Variants in IRAG2 observed in about 807,000 individuals in gnomAD.
IRAG2 encodes lymphoid restricted membrane protein.
In IRAG2, 45 loss-of-function variants were observed where a neutral mutation model predicts 69.9. The observed-to-expected ratio is 0.64, with a 90% confidence interval of 0.51 to 0.83. The LOEUF (loss-of-function observed/expected upper bound fraction) is 0.83, where lower values mean the gene tolerates loss of function less well. IRAG2 is among the 40% of genes least tolerant of loss of function. The pLI is 0.00. For missense variants in IRAG2, 520 were observed against 587.0 expected (o/e 0.89, Z 1.18); for synonymous variants, 193 against 202.4 (o/e 0.95, Z 0.40).
intron 9 of IRAG2, among the ~76,000 whole-genome samples, chr12:25,029,667 GTT>G (rs36093595): frequency 1.3e-3 from 196 of 145,598 alleles, no homozygotes; most frequent in Admixed American, 2.4e-3. Flanking sequence ...GTTACAATAT[GTT>G]TTTTTTTTTT....
intron 15 of IRAG2, chr12:25,100,825 CTT>C (rs5797118): frequency 1.9e-4 from 28 of 146,646 alleles, no homozygotes; most frequent in Non-Finnish European, 3.4e-4. Flanking sequence ...TGGACCTAAT[CTT>C]TTTTTTTTTT....
intron 9 of IRAG2, chr12:25,026,920 A>T (rs1944626488): frequency 1.1e-6 from 1 of 923,656 alleles, no homozygotes; most frequent in African/African-American, 1.7e-5. Context: ...AACCAGTATT[A>T]TTTTATGAAA....
chr12:25,105,116 AC>A (rs1171823085), intron 20 of IRAG2, among the ~76,000 whole-genome samples: 1 of 122,542 alleles, frequency 8.2e-6, no homozygotes, highest in African/African-American at 3.2e-5. Flanking sequence ...TTGCTCTGTC[AC>A]CCAGGCTGGA....
rs116715003 is a variant in IRAG2 at position 25,036,350 on chromosome 12, T to C, written c.1879-235T>C. On this transcript the variant is annotated intron_variant, in intron 14 of 38. Coordinates refer to the IRAG2 transcript ENST00000636465. ...CTTCTATTTAAAAAGATGGGGTTTG[T>C]TCTGGAAAATGATTCTCTCTGTATA... Among the ~76,000 whole-genome samples, 986 of 152,324 alleles carry C rather than the reference T, an allele frequency of 6.5e-3. 9 individuals carry two copies. Among genetic ancestry groups the C allele is most frequent in the African/African-American group, 0.023 (936 of 41,568 alleles).
At chr12:25,090,001 CT>C in intron 13 of IRAG2, 55 bp from the exon 14 acceptor site, 1 of 1,559,686 alleles carries the variant, frequency 6.4e-7, no homozygotes. Context: ...ACTGAAACAT[CT>C]GACCACATCC....
chr12:25,060,835 AT>A (rs5797116), intron 1 of IRAG2, among the ~76,000 whole-genome samples: 28,263 of 144,188 alleles, frequency 0.2, 2,743 homozygotes, highest in African/African-American at 0.22. Context: ...TAATTTTTGT[AT>A]TTTTTTTTTT....
intron 14 of IRAG2, chr12:25,090,777 A>G (rs1295173819): frequency 4.5e-6 from 2 of 447,406 alleles, no homozygotes; most frequent in South Asian, 1.6e-5. Flanking sequence ...AGTAGGTTGC[A>G]TGAGTCATCT....
chr12:25,055,367 A>T (rs1203872052), intron 1 of IRAG2, among the ~76,000 whole-genome samples: 1 of 152,174 alleles, frequency 6.6e-6, no homozygotes, highest in East Asian at 1.9e-4. Flanking sequence ...TTACTTATAT[A>T]TTTTATTTCT....
chr12:25,023,987 T>C (rs1944603449), intron 8 of IRAG2: 2 of 907,350 alleles, frequency 2.2e-6, no homozygotes, highest in Non-Finnish European at 2.9e-6. Context: ...GGTTTATGGC[T>C]GTGGGTTAAA....
chr12:25,088,468 G>A (rs1017191453), intron 11 of IRAG2, among the ~76,000 whole-genome samples: 8 of 152,158 alleles, frequency 5.3e-5, no homozygotes, highest in Non-Finnish European at 1.0e-4. Context: ...TAAAAGTAAA[G>A]CCCCTATTTA....
intron 6 of IRAG2, among the ~76,000 whole-genome samples, chr12:25,020,580 C>T (rs530163642): frequency 2.0e-4 from 30 of 152,180 alleles, no homozygotes; most frequent in South Asian, 1.7e-3. Flanking sequence ...CTGTTTTCCC[C>T]ATAGTCTCCA....
intron 6 of IRAG2, among the ~76,000 whole-genome samples, chr12:25,072,922 T>A (rs1253496748): frequency 6.6e-6 from 1 of 152,268 alleles, no homozygotes; most frequent in Non-Finnish European, 1.5e-5. Context: ...TTATCAAAAT[T>A]CTATTAGACT....
upstream of IRAG2, chr12:25,004,301 A>G (rs756464670): frequency 6.6e-6 from 8 of 1,210,858 alleles, no homozygotes; most frequent in East Asian, 3.2e-5. Context: ...TTTTGCCTAT[A>G]CTTTAGCCAC....
At chr12:25,106,288 C>G (rs1240847375) in intron 20 of IRAG2, among the ~76,000 whole-genome samples, 1 of 149,966 alleles carries the variant, frequency 6.7e-6, no homozygotes, top group Non-Finnish European at 1.5e-5. Flanking sequence ...CACATACACA[C>G]ACGCACACAC....
chr12:24,998,704 G>A, the IRAG2 span, among the ~76,000 whole-genome samples: 10 of 151,254 alleles, frequency 6.6e-5, no homozygotes, highest in African/African-American at 1.5e-4. Flanking sequence ...TTTTTTTTAC[G>A]TATATTAAGG....
chr12:25,060,884 T>C (rs745810076), intron 1 of IRAG2, among the ~76,000 whole-genome samples: 2 of 151,916 alleles, frequency 1.3e-5, no homozygotes, highest in South Asian at 2.1e-4. Context: ...GCCAGGCTAG[T>C]CCCAAAGTAC....
intron 10 of IRAG2, among the ~76,000 whole-genome samples, chr12:25,087,378 G>A (rs1947699127): frequency 2.0e-5 from 3 of 151,920 alleles, no homozygotes; most frequent in Middle Eastern, 3.4e-3. Context: ...ATGTTGGCCA[G>A]GCTGGTCTTG....
chr12:25,035,537 G>C (rs555668579), intron 13 of IRAG2: 7 of 396,664 alleles, frequency 1.8e-5, no homozygotes, highest in Middle Eastern at 6.3e-4. Context: ...CAAGACTATT[G>C]AGAACCAAAT....
chr12:25,065,161 A>G (rs1945896848), intron 4 of IRAG2, among the ~76,000 whole-genome samples: 2 of 152,192 alleles, frequency 1.3e-5, no homozygotes, highest in African/African-American at 4.8e-5. Flanking sequence ...TAACATATCT[A>G]TTAACTCATT....
Sources: allele counts gnomAD v4.1 joint callset (sites outside exome capture counted in the v4.1 genomes callset), GRCh38; gene constraint gnomAD v4.1.1; transcripts MANE v1.5; gene names NCBI Gene and HGNC (gene_info 2026-07-23, HGNC 2026-07-21).